The following WWP2 variants were observed in gnomAD, a reference collection of about 807,000 sequenced individuals.
WWP2 encodes WW domain containing E3 ubiquitin protein ligase 2.
WWP2 carries 57 observed loss-of-function variants against 121.0 expected under a neutral mutation model. That is an observed-to-expected ratio of 0.47 (90% CI 0.38 to 0.59). The LOEUF (loss-of-function observed/expected upper bound fraction) is 0.59, where lower values mean the gene tolerates loss of function less well. Among genes scored for constraint, WWP2 ranks in the 20% least tolerant of loss-of-function variants. The pLI is 0.00. For synonymous variants in WWP2, 449 were observed against 441.3 expected (o/e 1.02, Z -0.22); for missense variants, 962 against 1,158.9 (o/e 0.83, Z 2.47).
At chr16:69,889,973 G>A (rs2057996177) in intron 8 of WWP2, among the ~76,000 whole-genome samples, 1 of 151,970 alleles carries the variant, frequency 6.6e-6, no homozygotes, top group Non-Finnish European at 1.5e-5. Context: ...GTTGTTGTTT[G>A]AGACAGGGTC....
At position 69,923,746 on chromosome 16, in the gene WWP2, A is replaced by G. The variant is rs551001454; in HGVS notation, c.1180-1684A>G. Among the ~76,000 whole-genome samples, 66 of 152,368 alleles carry G rather than the reference A, an allele frequency of 4.3e-4. No individual in the cohort carries two copies. In the South Asian group the frequency reaches 4.8e-3, roughly 11 times the overall value. On this transcript the variant is annotated intron_variant, in intron 10 of 23. Coordinates refer to ENST00000359154, the MANE Select transcript of WWP2 (RefSeq NM_001270454.2). ...TTCCCTTTTGCAAGGTCACTGCTGT[A>G]GCTCAGCACTTACCCAGTGCCTCTG...
At chr16:69,857,871 C>T (rs952438208) in intron 6 of WWP2, among the ~76,000 whole-genome samples, 11 of 151,862 alleles carry the variant, frequency 7.2e-5, no homozygotes, top group African/African-American at 2.7e-4. Context: ...TCCTGTGTTG[C>T]CTAGTCTGGT....
At position 69,786,442 on chromosome 16, in the gene WWP2, CTTTTTTTTTTT is replaced by C. The variant is rs957224996; in HGVS notation, c.-15-538_-15-528del. Among the ~76,000 whole-genome samples, 483 of 85,400 alleles carry C rather than the reference CTTTTTTTTTTT, an allele frequency of 5.7e-3. 2 individuals are homozygous for C. Among genetic ancestry groups the C allele is most frequent in the South Asian group, 8.2e-3 (23 of 2,794 alleles). The allele number at this position is 85,400 out of a possible 152,430, so 56.0% of individuals were successfully genotyped here. Reference sequence around the variant, plus strand: ...GCATGAGCCACTGCGCCCAGCCAATCTTTTTTTTTTTTTTTTTTTTTTTTTTGAGATGGAGT... The same window carrying C: ...GCATGAGCCACTGCGCCCAGCCAATCTTTTTTTTTTTTTTTGAGATGGAGT... On this transcript the variant is annotated intron_variant, in intron 1 of 23. Transcript: ENST00000359154.
At chr16:69,834,558 G>A (rs373331107) in intron 4 of WWP2, among the ~76,000 whole-genome samples, 4 of 139,328 alleles carry the variant, frequency 2.9e-5, no homozygotes, top group East Asian at 2.1e-4. Context: ...ACGGAGTTTC[G>A]CTCTTGTTGC....
chr16:69,847,422 T>G (rs1208976435), intron 6 of WWP2, among the ~76,000 whole-genome samples: 1 of 151,080 alleles, frequency 6.6e-6, no homozygotes, highest in African/African-American at 2.4e-5. Flanking sequence ...TTTTTTAATT[T>G]TTTTGAGATG....
chr16:69,785,345 G>T (rs1414377702), intron 1 of WWP2, among the ~76,000 whole-genome samples: 2 of 152,142 alleles, frequency 1.3e-5, no homozygotes, highest in Non-Finnish European at 2.9e-5. Flanking sequence ...CTTTTGGAAT[G>T]CTTTTATCTA....
intron 4 of WWP2, among the ~76,000 whole-genome samples, chr16:69,821,442 C>G (rs1431550137): frequency 6.6e-6 from 1 of 152,194 alleles, no homozygotes. Context: ...GAGAGGCTGC[C>G]TTGTGGAGCC....
At chr16:69,833,840 A>G (rs2056831477) in intron 4 of WWP2, among the ~76,000 whole-genome samples, 2 of 151,980 alleles carry the variant, frequency 1.3e-5, no homozygotes, top group South Asian at 4.2e-4. Flanking sequence ...GACTTGCCCA[A>G]AGCTTTGATT....
chr16:69,928,152 G>T lies in WWP2; in HGVS notation c.1235-1296G>T, dbSNP rs1455824339. On this transcript the variant is annotated intron_variant, in intron 11 of 23. Transcript: ENST00000359154. ...GTCTTGGAGTCAGGAGGGGGTTGTT[G>T]CACTTCCCTGTTCTGCTCCTTTTTC... is the stretch of plus-strand genomic sequence containing the variant. Among the ~76,000 whole-genome samples the T allele has an allele frequency of 2.6e-5, 4 of 152,144 alleles. No homozygotes were observed. In the East Asian group the frequency reaches 5.8e-4, roughly 22 times the overall value.
chr16:69,799,468 A>G lies in WWP2; in HGVS notation c.340+173A>G, dbSNP rs2056116444. ...CTGAGGGCTCCTCTCTGCCTCCACTACAGAGTTTAGCCCTCTTTGTCCAGG... is the reference window on the plus strand; with the variant it reads ...CTGAGGGCTCCTCTCTGCCTCCACTGCAGAGTTTAGCCCTCTTTGTCCAGG... On this transcript the variant is annotated intron_variant, in intron 4 of 23. Transcript: ENST00000359154. This position sits in a 1 kb window ranked among gnomAD's most constrained non-coding sequence, Gnocchi z 4.5. 1 of 854,002 alleles carries G rather than the reference A, an allele frequency of 1.2e-6. No individual in the cohort carries two copies. Among genetic ancestry groups the G allele is most frequent in the Non-Finnish European group, 1.7e-6 (1 of 578,740 alleles). 52.9% of individuals were successfully genotyped at this position (854,002 alleles called of 1,614,324 possible). A position where few individuals can be genotyped will look rare whatever the true frequency, so the allele number is the denominator to read the frequency against.
rs750076266 is a variant in WWP2, at chr16:69,939,754, C to T, written c.2514-87C>T. 1,758 of 1,272,302 alleles carry T rather than the reference C, an allele frequency of 1.4e-3. 3 individuals are homozygous for T. The highest frequency in any genetic ancestry group is 1.8e-3 in the Non-Finnish European group (1,625 of 908,458). 78.8% of individuals were successfully genotyped at this position (1,272,302 alleles called of 1,614,324 possible). A position where few individuals can be genotyped will look rare whatever the true frequency, so the allele number is the denominator to read the frequency against. On this transcript the variant is annotated intron_variant, in intron 23 of 23. Transcript: ENST00000359154. ...AGCCCTAGCCAGTGTGGTGCAAGCC[C>T]TGTGGCCCTGCTGCAGGCAGGCATG...
rs1294958172 is a variant in WWP2 at position 69,778,188 on chromosome 16, A to ATT, written c.-15-8807_-15-8806insTT. ...ACTATAAATAAATATATATATATAT[A>ATT]TATATTTTTTTTTTTTTGAGAAATT... On this transcript the variant is annotated intron_variant, in intron 1 of 23. Coordinates refer to ENST00000359154, the MANE Select transcript of WWP2 (RefSeq NM_001270454.2). Among the ~76,000 whole-genome samples the ATT allele has an allele frequency of 9.7e-3, 930 of 95,564 alleles. 20 individuals carry two copies. Among genetic ancestry groups the ATT allele is most frequent in the African/African-American group, 0.049 (880 of 17,970 alleles). 62.7% of individuals were successfully genotyped at this position (95,564 alleles called of 152,430 possible). A position where few individuals can be genotyped will look rare whatever the true frequency, so the allele number is the denominator to read the frequency against.
In WWP2 at chr16:69,925,842, C is replaced by A. The variant is rs1328404388; in HGVS notation, c.1234+358C>A. The A allele has an allele frequency of 1.4e-5, 3 of 215,926 alleles. No homozygotes were observed. The highest frequency in any genetic ancestry group is 2.7e-5 in the Non-Finnish European group (3 of 110,378). The allele number at this position is 215,926 out of a possible 1,614,324, so 13.4% of individuals were successfully genotyped here. A position where few individuals can be genotyped will look rare whatever the true frequency, so the allele number is the denominator to read the frequency against. On this transcript the variant is annotated intron_variant, in intron 11 of 23. Coordinates refer to ENST00000359154, the MANE Select transcript of WWP2 (RefSeq NM_001270454.2). This position sits in a 1 kb window ranked among gnomAD's most constrained non-coding sequence, Gnocchi z 4.0. Reference sequence around the variant, plus strand: ...TAAGATATTTTGACACTGCCTAACTCCCAAATGGATTTGTTTCAGATCTGT... The same window carrying A: ...TAAGATATTTTGACACTGCCTAACTACCAAATGGATTTGTTTCAGATCTGT...
At chr16:69,863,140 C>T (rs76467397) in intron 6 of WWP2, among the ~76,000 whole-genome samples, 1,526 of 152,284 alleles carry the variant, frequency 0.01, 22 homozygotes, top group African/African-American at 0.035. Context: ...ATCACATTCC[C>T]ATCCACATTC....
At chr16:69,805,491 G>C (rs753952196) in intron 4 of WWP2, among the ~76,000 whole-genome samples, 6 of 151,982 alleles carry the variant, frequency 3.9e-5, no homozygotes, top group Non-Finnish European at 8.8e-5. Context: ...TAGGTGTAAG[G>C]CTGGGTATTA....
At chr16:69,837,665 A>G (rs1468272130) in intron 4 of WWP2, among the ~76,000 whole-genome samples, 1 of 152,190 alleles carries the variant, frequency 6.6e-6, no homozygotes, top group Non-Finnish European at 1.5e-5. Flanking sequence ...AAAAGTGCCA[A>G]CACTCCATTT....
chr16:69,810,367 G>A (rs1010005727), intron 4 of WWP2, among the ~76,000 whole-genome samples: 1 of 152,018 alleles, frequency 6.6e-6, no homozygotes, highest in Non-Finnish European at 1.5e-5. Flanking sequence ...CTTAAAGGTA[G>A]TTCTAGTCAT....
chr16:69,786,698 A>G (rs1017257116), intron 1 of WWP2, among the ~76,000 whole-genome samples: 2 of 150,920 alleles, frequency 1.3e-5, no homozygotes, highest in Non-Finnish European at 3.0e-5. Flanking sequence ...TGATCTGGCC[A>G]TCTCGGCCTC....
At chr16:69,781,580 C>T (rs988275241) in intron 1 of WWP2, among the ~76,000 whole-genome samples, 1 of 151,976 alleles carries the variant, frequency 6.6e-6, no homozygotes, top group Non-Finnish European at 1.5e-5. Context: ...AACTCCTGAG[C>T]ACAAGGTGAT....
Sources: allele counts gnomAD v4.1 joint callset (sites outside exome capture counted in the v4.1 genomes callset), GRCh38; gene constraint gnomAD v4.1.1; non-coding constraint Gnocchi (gnomAD v3.1); transcripts MANE v1.5; gene names NCBI Gene and HGNC (gene_info 2026-07-23, HGNC 2026-07-21).